The following SH3GL3 variants were observed in gnomAD, a reference collection of about 807,000 sequenced individuals.
SH3GL3 encodes the protein endophilin-A3.
SH3GL3 carries 33 observed loss-of-function variants against 47.7 expected under a neutral mutation model. The ratio of observed to expected loss-of-function variants is 0.69; its 90% CI spans 0.52 to 0.92. The LOEUF is 0.92. Ranked by LOEUF, SH3GL3 falls within the 40% of genes least tolerant of loss-of-function variation. The pLI is 0.00. For missense variants in SH3GL3, 363 were observed against 417.8 expected, an observed-to-expected ratio of 0.87 and a Z score of 1.14; for synonymous variants, 155 against 148.8, an observed-to-expected ratio of 1.04 and a Z score of -0.30.
chr15:83,463,885 C>T (rs2040437210), intron 1 of SH3GL3, among the ~76,000 whole-genome samples: 1 of 151,604 alleles, frequency 6.6e-6, no homozygotes, highest in East Asian at 2.0e-4. Flanking sequence ...TCTCCAGCCT[C>T]AGCCTCCCTA....
chr15:83,530,937 C>A (rs1256966733), intron 1 of SH3GL3, among the ~76,000 whole-genome samples: 1 of 152,136 alleles, frequency 6.6e-6, no homozygotes, highest in East Asian at 1.9e-4. Context: ...CAAAGAAAGA[C>A]AGCAAATAGT....
intron 1 of SH3GL3, among the ~76,000 whole-genome samples, chr15:83,544,178 C>A (rs2044296603): frequency 6.6e-6 from 1 of 152,048 alleles, no homozygotes; most frequent in African/African-American, 2.4e-5. Flanking sequence ...ACTGCTTTTG[C>A]TGTATCCCAT....
intron 1 of SH3GL3, among the ~76,000 whole-genome samples, chr15:83,518,683 G>C (rs2043089414): frequency 6.6e-6 from 1 of 152,166 alleles, no homozygotes; most frequent in African/African-American, 2.4e-5. Context: ...CTCCCATTCT[G>C]TGGAGTGTCT....
intron 1 of SH3GL3, among the ~76,000 whole-genome samples, chr15:83,525,088 T>C (rs2043357535): frequency 6.6e-6 from 1 of 152,196 alleles, no homozygotes; most frequent in South Asian, 2.1e-4. Context: ...CTCCATACTG[T>C]TTTCCATAAT....
chr15:83,565,326 A>T (rs1309876699), intron 3 of SH3GL3, 120 bp downstream of exon 3: 1 of 708,800 alleles, frequency 1.4e-6, no homozygotes, highest in Non-Finnish European at 2.5e-6. Context: ...AATGAAATTC[A>T]GTTTTTAAAG....
At chr15:83,600,870 C>T (rs2060361463) in intron 8 of SH3GL3, among the ~76,000 whole-genome samples, 1 of 152,102 alleles carries the variant, frequency 6.6e-6, no homozygotes, top group Non-Finnish European at 1.5e-5. Context: ...TGATTTCTTT[C>T]AGCAGTATTT....
intron 1 of SH3GL3, among the ~76,000 whole-genome samples, chr15:83,475,078 C>T (rs1310464375): frequency 6.6e-6 from 1 of 151,054 alleles, no homozygotes; most frequent in East Asian, 1.9e-4. Context: ...CTCATTGAGC[C>T]TTAGCTCAAT....
At chr15:83,568,837 A>G (rs1321616779) in intron 4 of SH3GL3, among the ~76,000 whole-genome samples, 165 bp downstream of exon 4, 2 of 152,310 alleles carry the variant, frequency 1.3e-5, no homozygotes, top group East Asian at 3.9e-4. Context: ...TAAAATAAAG[A>G]AAAATGCTAA....
At position 83,568,304 on chromosome 15, in the gene SH3GL3, TG is replaced by T. The variant is rs112178547; in HGVS notation, c.188-223del. On this transcript the variant is annotated intron_variant, in intron 3 of 8. Transcript: ENST00000427482. Reference sequence around the variant, plus strand: ...CAGCCGATGTGCACCATCATTTCTATGGTTCATCGTGGCTGCGGAACAGTGC... The same window carrying T: ...CAGCCGATGTGCACCATCATTTCTATGTTCATCGTGGCTGCGGAACAGTGC... Among the ~76,000 whole-genome samples the T allele has an allele frequency of 3.9e-4, 59 of 152,252 alleles. 1 individual carries two copies. The highest frequency in any genetic ancestry group is 1.3e-3 in the African/African-American group (56 of 41,552).
intron 6 of SH3GL3, 59 bp from the exon 7 acceptor site, chr15:83,586,924 C>G: frequency 1.1e-6 from 1 of 875,410 alleles, no homozygotes; most frequent in Non-Finnish European, 1.8e-6. Context: ...GGTCTCCTCT[C>G]TCTCTGGACA....
intron 1 of SH3GL3, among the ~76,000 whole-genome samples, chr15:83,533,487 C>A (rs2043772786): frequency 6.6e-6 from 1 of 152,166 alleles, no homozygotes; most frequent in East Asian, 1.9e-4. Flanking sequence ...TAAAACTATC[C>A]ATGTTCAGTA....
intron 3 of SH3GL3, chr15:83,565,759 GA>G (rs1354248517): frequency 6.6e-6 from 1 of 152,102 alleles, no homozygotes; most frequent in Non-Finnish European, 1.5e-5. Flanking sequence ...TAAATTATAG[GA>G]ACCAATAGAG....
intron 1 of SH3GL3, among the ~76,000 whole-genome samples, chr15:83,491,660 G>T (rs2041879806): frequency 6.6e-6 from 1 of 152,174 alleles, no homozygotes; most frequent in Non-Finnish European, 1.5e-5. Context: ...TGGAAGAATC[G>T]ATGCCATCTT....
At chr15:83,606,544 C>T (rs2060521169) in intron 8 of SH3GL3, among the ~76,000 whole-genome samples, 1 of 152,206 alleles carries the variant, frequency 6.6e-6, no homozygotes, top group Non-Finnish European at 1.5e-5. Context: ...TTACATTTCT[C>T]TTCTTTCCTT....
chr15:83,616,326 C>T (rs1188986062), intron 8 of SH3GL3, among the ~76,000 whole-genome samples: 2 of 142,648 alleles, frequency 1.4e-5, no homozygotes, highest in Non-Finnish European at 3.0e-5. Context: ...GATCTTGGCT[C>T]ACTGCAACCT....
At chr15:83,544,025 A>G (rs2044290348) in intron 1 of SH3GL3, among the ~76,000 whole-genome samples, 1 of 151,030 alleles carries the variant, frequency 6.6e-6, no homozygotes, top group Non-Finnish European at 1.5e-5. Context: ...TTTCTGCCTG[A>G]TTTTAATTTT....
rs372709914 is a variant in SH3GL3 at position 83,587,101 on chromosome 15, G to A, written c.728+15G>A. ...CTACAGATGCGGTAAGCACCTCCAC[G>A]TTTCTTACAAGCCAAGGGCTGCGGA... is the stretch of plus-strand genomic sequence containing the variant. On this transcript the variant is annotated intron_variant, in intron 7 of 8. Coordinates refer to ENST00000427482, the MANE Select transcript of SH3GL3 (RefSeq NM_003027.5). 1.4e-5 allele frequency: 20 copies of A among 1,466,222 alleles called. No homozygotes were observed. The East Asian group carries it at 1.9e-4, about 14-fold the overall frequency. The allele number at this position is 1,466,222 out of a possible 1,614,324, so 90.8% of individuals were successfully genotyped here.
At chr15:83,576,863 C>T (rs2059695415) in intron 6 of SH3GL3, 122 bp downstream of exon 6, 1 of 565,446 alleles carries the variant, frequency 1.8e-6, no homozygotes, top group Admixed American at 3.2e-5. Flanking sequence ...CTTCCCTGGG[C>T]CACACATAAA....
chr15:83,622,136 G>A (rs905662574), downstream of SH3GL3, among the ~76,000 whole-genome samples: 9 of 152,104 alleles, frequency 5.9e-5, no homozygotes, highest in East Asian at 5.8e-4. Context: ...TCTCATTAAC[G>A]ATCCTCTGAG....
Sources: allele counts gnomAD v4.1 joint callset (sites outside exome capture counted in the v4.1 genomes callset), GRCh38; gene constraint gnomAD v4.1.1; transcripts MANE v1.5; gene names NCBI Gene and HGNC (gene_info 2026-07-23, HGNC 2026-07-21).